The following ZFHX3 variants were observed in gnomAD, a reference collection of about 807,000 sequenced individuals.
ZFHX3 encodes the protein zinc finger homeobox 3, also known as zinc finger homeobox protein 3.
Under a neutral mutation model 279.1 loss-of-function variants are expected in ZFHX3, and 42 were observed. The observed-to-expected ratio is 0.15, with a 90% CI of 0.12 to 0.19. The LOEUF is 0.19. Ranked by LOEUF, ZFHX3 falls within the 10% of genes least tolerant of loss-of-function variation. The pLI is 1.00. For missense variants in ZFHX3, 4,981 were observed against 4,754.0 expected, an observed-to-expected ratio of 1.05 and a Z score of -1.40; for synonymous variants, 2,293 against 1,957.8, an observed-to-expected ratio of 1.17 and a Z score of -4.52.
At chr16:73,382,471 G>A (rs1416943798) in intron 3 of ZFHX3, among the ~76,000 whole-genome samples, 1 of 152,136 alleles carries the variant, frequency 6.6e-6, no homozygotes, top group Non-Finnish European at 1.5e-5. Flanking sequence ...GTTTAAGTGC[G>A]ATTGGAGCCC....
At chr16:73,333,586 G>C (rs888686596) in intron 3 of ZFHX3, among the ~76,000 whole-genome samples, 12 of 152,262 alleles carry the variant, frequency 7.9e-5, no homozygotes, top group Admixed American at 5.9e-4. Flanking sequence ...GTGGGGTATA[G>C]GATGAGTTGA....
intron 3 of ZFHX3, among the ~76,000 whole-genome samples, chr16:73,409,918 G>C (rs12931435): frequency 0.31 from 45,766 of 146,862 alleles, 8,833 homozygotes; most frequent in Non-Finnish European, 0.44. Context: ...AACAACAATT[G>C]AACTCACGGA....
chr16:73,197,547 T>G (rs1418308064), intron 5 of ZFHX3, among the ~76,000 whole-genome samples: 2 of 152,338 alleles, frequency 1.3e-5, no homozygotes, highest in South Asian at 2.1e-4. Context: ...AAGCGGATAA[T>G]TCAAACCACC....
chr16:73,557,116 A>AAC (rs2020298898), intron 2 of ZFHX3, among the ~76,000 whole-genome samples: 2 of 145,222 alleles, frequency 1.4e-5, no homozygotes, highest in African/African-American at 5.5e-5. Flanking sequence ...AAAAAAAAAA[A>AAC]AAAAGGCCTC....
chr16:73,528,923 C>T (rs557579035), intron 2 of ZFHX3, among the ~76,000 whole-genome samples: 3 of 152,278 alleles, frequency 2.0e-5, no homozygotes, highest in East Asian at 1.9e-4. Flanking sequence ...TCTGGCTGTC[C>T]AACCTTCTGA....
chr16:73,818,803 A>G (rs1960653522), intron 1 of ZFHX3, among the ~76,000 whole-genome samples: 2 of 152,196 alleles, frequency 1.3e-5, no homozygotes, highest in Admixed American at 1.3e-4. Flanking sequence ...GCCTTCTCCT[A>G]ACAGGCAACA....
At chr16:73,831,917 T>C (rs1195992806) in intron 1 of ZFHX3, among the ~76,000 whole-genome samples, 1 of 152,208 alleles carries the variant, frequency 6.6e-6, no homozygotes, top group African/African-American at 2.4e-5. Flanking sequence ...TTTTTTGTTT[T>C]TGAAATGGAG....
At chr16:73,205,308 T>C (rs2011758077) in intron 5 of ZFHX3, among the ~76,000 whole-genome samples, 1 of 152,198 alleles carries the variant, frequency 6.6e-6, no homozygotes, top group African/African-American at 2.4e-5. Flanking sequence ...GATATGACTA[T>C]ACATAAATTA....
chr16:73,590,148 G>C (rs1567527176), intron 2 of ZFHX3, among the ~76,000 whole-genome samples: 1 of 152,286 alleles, frequency 6.6e-6, no homozygotes, highest in African/African-American at 2.4e-5. Context: ...ACGTAGGTGA[G>C]TAAAAACCTG....
intron 2 of ZFHX3, chr16:73,499,868 G>A (rs778893326): frequency 6.6e-6 from 1 of 152,204 alleles, no homozygotes; most frequent in African/African-American, 2.4e-5. Flanking sequence ...CTATGGCCCA[G>A]TCACATCATA....
rs1450881320 is a variant in ZFHX3 at position 72,786,613 on chromosome 16, A to ATAAT, written c.*547_*550dup. On this transcript the variant is annotated 3_prime_UTR_variant, in exon 10 of 10. Transcript: ENST00000268489. ...AAAAAAAAAAAAAACTGAAAAAACAATAATATATAAAACAATGATTCTGAA... is the reference window on the plus strand; with the variant it reads ...AAAAAAAAAAAAAACTGAAAAAACAATAATTAATATATAAAACAATGATTCTGAA... The ATAAT allele has an allele frequency of 6.6e-6, 1 of 151,950 alleles. No individual in the cohort carries two copies. Among genetic ancestry groups the ATAAT allele is most frequent in the African/African-American group, 2.4e-5 (1 of 41,382 alleles). 9.4% of individuals were successfully genotyped at this position (151,950 alleles called of 1,614,324 possible). A position where few individuals can be genotyped will look rare whatever the true frequency, so the allele number is the denominator to read the frequency against.
At chr16:73,566,174 G>T (rs749635521) in intron 2 of ZFHX3, among the ~76,000 whole-genome samples, 3 of 152,176 alleles carry the variant, frequency 2.0e-5, no homozygotes, top group Non-Finnish European at 4.4e-5. Flanking sequence ...GAAGGCCCTG[G>T]TCCCACCAGT....
intron 2 of ZFHX3, among the ~76,000 whole-genome samples, chr16:73,628,717 T>C (rs1010387679): frequency 5.3e-5 from 8 of 152,232 alleles, no homozygotes; most frequent in African/African-American, 1.9e-4. Flanking sequence ...GCCTCCCCTA[T>C]TTCTTTCCAT....
chr16:73,168,276 TTTC>T, intron 5 of ZFHX3, among the ~76,000 whole-genome samples: 2 of 149,014 alleles, frequency 1.3e-5, no homozygotes, highest in African/African-American at 4.9e-5. Context: ...TCTTTCTTTC[TTTC>T]GAGACAAAGT....
At chr16:73,429,129 A>G (rs2017864841) in intron 3 of ZFHX3, among the ~76,000 whole-genome samples, 1 of 151,946 alleles carries the variant, frequency 6.6e-6, no homozygotes, top group Non-Finnish European at 1.5e-5. Context: ...TCTTTTGTCA[A>G]TTTTTATAGG....
intron 4 of ZFHX3, among the ~76,000 whole-genome samples, chr16:72,883,007 T>C (rs1005414039): frequency 3.5e-5 from 5 of 141,524 alleles, no homozygotes; most frequent in African/African-American, 1.3e-4. Context: ...TGTGTGTGTG[T>C]GTGTGTGTGT....
At chr16:72,995,995 C>T (rs752653651) in intron 1 of ZFHX3, among the ~76,000 whole-genome samples, 17 of 152,244 alleles carry the variant, frequency 1.1e-4, no homozygotes, top group South Asian at 2.1e-4. Context: ...CTGCCAGGTG[C>T]GGTGGCTCAC....
At chr16:73,635,417 C>T (rs1027200728) in intron 2 of ZFHX3, among the ~76,000 whole-genome samples, 2 of 152,158 alleles carry the variant, frequency 1.3e-5, no homozygotes, top group African/African-American at 4.8e-5. Context: ...AGAAGTGACC[C>T]CTTTTGAAAC....
In ZFHX3 at chr16:72,793,237, G is replaced by A. The variant is rs762746562; in HGVS notation, c.9427+18C>T. On this transcript the variant is annotated intron_variant, in intron 9 of 9. Transcript: ENST00000268489. The surrounding 1 kb of genome is among the most constrained non-coding windows in gnomAD (Gnocchi z 4.3). ...GCAGCTATTTAGCCCTGAAACAATC[G>A]CCTAGAGCAGAACCCACCTGTGTTG... is the stretch of plus-strand genomic sequence containing the variant. 10 of 1,594,236 alleles carry A rather than the reference G, an allele frequency of 6.3e-6. No individual in the cohort carries two copies. The highest frequency in any genetic ancestry group is 5.2e-5 in the Admixed American group (3 of 58,058).
Sources: gnomAD v4.1 joint callset for allele counts (sites outside exome capture counted in the v4.1 genomes callset) on GRCh38, gnomAD v4.1.1 for gene constraint, Gnocchi (gnomAD v3.1) non-coding constraint, MANE v1.5 for transcripts, NCBI Gene and HGNC (gene_info 2026-07-23, HGNC 2026-07-21) for gene names.